INHBA: variants seen among roughly 807,000 people sequenced by gnomAD.
INHBA encodes the protein inhibin subunit beta A, also known as inhibin beta A chain.
In INHBA, 1 loss-of-function variant was observed where a neutral mutation model predicts 29.0. That is an observed-to-expected ratio of 0.03 (90% CI 0.01 to 0.16). The LOEUF (loss-of-function observed/expected upper bound fraction) is 0.16. INHBA is among the 10% of genes least tolerant of loss of function. The pLI is 1.00. For synonymous variants in INHBA, 242 were observed against 216.8 expected (o/e 1.12, Z -1.02); for missense variants, 376 against 545.4 (o/e 0.69, Z 3.09).
In INHBA at chr7:41,686,860, C is replaced by T. The variant is rs567195621; in HGVS notation, c.*2790G>A. The T allele has an allele frequency of 6.6e-6, 1 of 152,278 alleles. No individual in the cohort carries two copies. The highest frequency in any genetic ancestry group is 1.9e-4 in the East Asian group (1 of 5,180). 9.4% of individuals were successfully genotyped at this position (152,278 alleles called of 1,614,324 possible). On this transcript the variant is annotated 3_prime_UTR_variant, in exon 3 of 3. Transcript: ENST00000242208. ...ATTTCTGCTTTTTCCATGGCCTTGA[C>T]CATCTTTGCTACTGCGCAGTGAACC...
rs754118861 is a variant in INHBA, at chr7:41,690,334, C to A, written c.597G>T (p.Gly199=). Residue 199 remains glycine (G), a synonymous_variant, in exon 3 of 3, where the codon GGG becomes GGT. Coordinates refer to ENST00000242208, the MANE Select transcript of INHBA (RefSeq NM_002192.4). ...GEEAEEVGLK[G]ERSELLLSEK... ...CAGAGAGCAACAGTTCACTCCTCTC[C>A]CCCTTTAAGCCCACTTCCTCGGCCT... 1 of 1,614,068 alleles carries A rather than the reference C, an allele frequency of 6.2e-7. No homozygotes were observed. The highest frequency in any genetic ancestry group is 8.5e-7 in the Non-Finnish European group (1 of 1,180,014).
chr7:41,688,068 A>C lies in INHBA; in HGVS notation c.*1582T>G, dbSNP rs1046509050. On this transcript the variant is annotated 3_prime_UTR_variant, in exon 3 of 3. Transcript: ENST00000242208. ...CCATCCGAATTTTTGAAATGCGCCC[A>C]CCTAGTTCAGAGTAAAAGCAAAAAC... The C allele has an allele frequency of 6.6e-6, 1 of 152,234 alleles. No homozygotes were observed. The highest frequency in any genetic ancestry group is 2.4e-5 in the African/African-American group (1 of 41,466). 9.4% of individuals were successfully genotyped at this position (152,234 alleles called of 1,614,324 possible).
chr7:41,700,490 T>C lies in INHBA; in HGVS notation c.-116A>G. On this transcript the variant is annotated 5_prime_UTR_variant, in exon 2 of 3. Transcript: ENST00000242208. ...TTTTATTTTTTTTTTTGGTGTTTTT[T>C]TTTTCCTTCTCCTCTTCAGCAAATT... 4 of 1,062,824 alleles carry C rather than the reference T, an allele frequency of 3.8e-6. No individual in the cohort carries two copies. Among genetic ancestry groups the C allele is most frequent in the Non-Finnish European group, 5.1e-6 (4 of 783,158 alleles). 65.8% of individuals were successfully genotyped at this position (1,062,824 alleles called of 1,614,324 possible). A position where few individuals can be genotyped will look rare whatever the true frequency, so the allele number is the denominator to read the frequency against.
upstream of INHBA, among the ~76,000 whole-genome samples, chr7:41,703,403 C>T (rs912433929): frequency 6.6e-6 from 1 of 152,018 alleles, no homozygotes; most frequent in African/African-American, 2.4e-5. Flanking sequence ...CTCGCACACA[C>T]GTCTCGTTAT....
intron 2 of INHBA, among the ~76,000 whole-genome samples, chr7:41,693,698 T>C (rs1445839392): frequency 6.6e-6 from 1 of 152,150 alleles, no homozygotes; most frequent in Non-Finnish European, 1.5e-5. Flanking sequence ...GATCAGAGAG[T>C]CATCATAAAA....
At chr7:41,698,064 G>A (rs900941569) in intron 2 of INHBA, among the ~76,000 whole-genome samples, 12 of 151,988 alleles carry the variant, frequency 7.9e-5, no homozygotes, top group Admixed American at 5.2e-4. Flanking sequence ...TTCAAAAGTC[G>A]CTCATTTTTT....
At chr7:41,695,536 T>C (rs1330407744) in intron 2 of INHBA, among the ~76,000 whole-genome samples, 1 of 152,238 alleles carries the variant, frequency 6.6e-6, no homozygotes, top group Non-Finnish European at 1.5e-5. Context: ...GGATCTTTCC[T>C]GCAGTAGAAC....
chr7:41,699,993 C>G lies in INHBA; in HGVS notation c.382G>C (p.Glu128Gln), dbSNP rs1261026870. ...EQTSEIITFA[E>Q]SGTARKTLHF... Reference sequence around the variant, plus strand: ...TGCCAATGCCAGCACCAACCTGACTCGGCAAACGTGATGATCTCCGAGGTC... The same window carrying G: ...TGCCAATGCCAGCACCAACCTGACTGGGCAAACGTGATGATCTCCGAGGTC... The change falls in exon 2 of 3, where the codon GAG (glutamate) becomes CAG (glutamine). Residue 128 changes from glutamate to glutamine, a missense_variant. Glu to Gln is a conservative substitution (Grantham distance 29). Around this residue, in one of 4 missense-constraint regions of INHBA, gnomAD observed 253 missense variants for 313.4 expected, o/e 0.81. Coordinates refer to ENST00000242208, the MANE Select transcript of INHBA (RefSeq NM_002192.4). 2.3e-6 allele frequency: 3 copies of G among 1,298,940 alleles called. No individual in the cohort carries two copies. Among genetic ancestry groups the G allele is most frequent in the East Asian group, 9.8e-5 (2 of 20,390 alleles). 80.5% of individuals were successfully genotyped at this position (1,298,940 alleles called of 1,614,324 possible).
rs1228409295 is a variant in INHBA at position 41,687,195 on chromosome 7, G to T, written c.*2455C>A. 2 of 152,174 alleles carry T rather than the reference G, an allele frequency of 1.3e-5. No homozygotes were observed. Among genetic ancestry groups the T allele is most frequent in the East Asian group, 3.8e-4 (2 of 5,196 alleles). The allele number at this position is 152,174 out of a possible 1,614,324, so 9.4% of individuals were successfully genotyped here. On this transcript the variant is annotated 3_prime_UTR_variant, in exon 3 of 3. Transcript: ENST00000242208. The stretch of plus-strand genomic sequence containing the variant: ...TGCCTACATATAGCCAAGTGTTATA[G>T]TATACCAACTTAGTATATTTTTCAA...
Position 41,700,177 on chromosome 7 carries a change from C to A in INHBA, c.198G>T (p.Leu66=), listed in dbSNP as rs1182976944. The A allele has an allele frequency of 1.2e-6, 2 of 1,614,136 alleles. No homozygotes were observed. The highest frequency in any genetic ancestry group is 1.7e-6 in the Non-Finnish European group (2 of 1,180,036). ...EAVKKHILNM[L]HLKKRPDVTQ... ...TGACATCGGGTCTCTTCTTCAAGTG[C>A]AGCATGTTTAAAATGTGCTTCTTGA... Residue 66 remains leucine, a synonymous_variant, in exon 2 of 3, where the codon CTG becomes CTT. Transcript: ENST00000242208.
chr7:41,690,672 C>T, intron 2 of INHBA, 130 bp from the exon 3 acceptor site: 1 of 1,181,382 alleles, frequency 8.5e-7, no homozygotes, highest in Non-Finnish European at 1.1e-6. Flanking sequence ...CAACAAATGA[C>T]AGCCCATGGG....
At chr7:41,694,119 C>T (rs1042017578) in intron 2 of INHBA, 1 of 152,148 alleles carries the variant, frequency 6.6e-6, no homozygotes, top group African/African-American at 2.4e-5. Context: ...TGTATTCTGA[C>T]TTATTAAGCA....
chr7:41,704,167 G>A (rs1235487529), upstream of INHBA, among the ~76,000 whole-genome samples: 2 of 152,174 alleles, frequency 1.3e-5, no homozygotes, highest in African/African-American at 2.4e-5. Flanking sequence ...TTTTCACTGT[G>A]CCCACAAGCA....
chr7:41,695,156 T>A (rs1011048201), intron 2 of INHBA, among the ~76,000 whole-genome samples: 2 of 152,190 alleles, frequency 1.3e-5, no homozygotes, highest in African/African-American at 4.8e-5. Flanking sequence ...ATGCAGTGTT[T>A]CGATTTGGTT....
At chr7:41,695,317 A>G (rs1337596273) in intron 2 of INHBA, among the ~76,000 whole-genome samples, 1 of 152,252 alleles carries the variant, frequency 6.6e-6, no homozygotes, top group Non-Finnish European at 1.5e-5. Flanking sequence ...GCCTCCCTGT[A>G]AAAAGCGTCT....
chr7:41,686,258 C>T lies in INHBA; in HGVS notation c.*3392G>A, dbSNP rs979293312. ...AAATAGTCGAAAATGTCAATTTGGT[C>T]CATAAAATACATGTTACTATTAAAA... On this transcript the variant is annotated 3_prime_UTR_variant, in exon 3 of 3. Transcript: ENST00000242208. The T allele has an allele frequency of 1.3e-5, 2 of 151,954 alleles. No homozygotes were observed. The highest frequency in any genetic ancestry group is 2.9e-5 in the Non-Finnish European group (2 of 67,976). 9.4% of individuals were successfully genotyped at this position (151,954 alleles called of 1,614,324 possible). A position where few individuals can be genotyped will look rare whatever the true frequency, so the allele number is the denominator to read the frequency against.
At position 41,700,469 on chromosome 7, in the gene INHBA, A is replaced by ATT. The variant is rs111584790; in HGVS notation, c.-97_-96dup. On this transcript the variant is annotated 5_prime_UTR_variant, in exon 2 of 3. Coordinates refer to ENST00000242208, the MANE Select transcript of INHBA (RefSeq NM_002192.4). ...TTTTTTTGTGTGTGTGGATTTTTTT[A>ATT]TTTTTTTTTTTGGTGTTTTTTTTTT... 8,455 of 942,292 alleles carry ATT rather than the reference A, an allele frequency of 9.0e-3. 29 individuals are homozygous for ATT. The highest frequency in any genetic ancestry group is 0.03 in the African/African-American group (1,693 of 55,850). The allele number at this position is 942,292 out of a possible 1,614,324, so 58.4% of individuals were successfully genotyped here.
chr7:41,692,263 G>A (rs1388552971), intron 2 of INHBA: 1 of 152,028 alleles, frequency 6.6e-6, no homozygotes, highest in Admixed American at 6.5e-5. Flanking sequence ...ACAAATCTGG[G>A]AACAATCTTC....
At position 41,685,352 on chromosome 7, in the gene INHBA, T is replaced by C. The variant is rs1794376387; in HGVS notation, c.*4298A>G. 6.6e-6 allele frequency: 1 copy of C among 152,072 alleles called. No individual in the cohort carries two copies. Among genetic ancestry groups the C allele is most frequent in the Non-Finnish European group, 1.5e-5 (1 of 67,972 alleles). The allele number at this position is 152,072 out of a possible 1,614,324, so 9.4% of individuals were successfully genotyped here. ...TACCAGTACTTCTACACAATAAATA[T>C]TAAGAAACCATTGACATAGTTGAAA... On this transcript the variant is annotated 3_prime_UTR_variant, in exon 3 of 3. Coordinates refer to ENST00000242208, the MANE Select transcript of INHBA (RefSeq NM_002192.4).
Sources: allele counts gnomAD v4.1 joint callset (sites outside exome capture counted in the v4.1 genomes callset), GRCh38; gene constraint gnomAD v4.1.1; regional missense constraint gnomAD v4.1.1; transcripts MANE v1.5; gene names NCBI Gene and HGNC (gene_info 2026-07-23, HGNC 2026-07-21).